The following PPP3CA variants were observed in gnomAD, a reference collection of about 807,000 sequenced individuals.
PPP3CA encodes CAM-PRP catalytic subunit.
A neutral mutation model predicts 66.5 loss-of-function variants in PPP3CA; 14 were observed. That is an observed-to-expected ratio of 0.21 (90% confidence interval 0.14 to 0.33). PPP3CA has a LOEUF of 0.33. Ranked by LOEUF, PPP3CA falls within the 10% of genes least tolerant of loss-of-function variation. The probability of loss-of-function intolerance (pLI) is 1.00; values close to 1 mark genes in which losing one functional copy is unlikely to be tolerated. For synonymous variants in PPP3CA, 232 were observed against 226.2 expected (o/e 1.03, Z -0.23); for missense variants, 317 against 639.5 (o/e 0.50, Z 5.44).
intron 8 of PPP3CA, among the ~76,000 whole-genome samples, chr4:101,077,831 T>G (rs796512978): frequency 3.9e-5 from 6 of 152,010 alleles, no homozygotes; most frequent in African/African-American, 7.2e-5. Context: ...TCTGTTTTTT[T>G]TTTTTTTTTT....
intron 1 of PPP3CA, among the ~76,000 whole-genome samples, chr4:101,255,006 A>G (rs1024576993): frequency 3.3e-5 from 5 of 150,996 alleles, no homozygotes; most frequent in African/African-American, 1.2e-4. Flanking sequence ...ATGACAATAC[A>G]ATAAACATAA....
intron 1 of PPP3CA, among the ~76,000 whole-genome samples, chr4:101,309,091 C>T (rs1163202860): frequency 3.9e-5 from 6 of 152,148 alleles, no homozygotes; most frequent in African/African-American, 1.2e-4. Context: ...TGCACCACTG[C>T]ACTCCAACCA....
chr4:101,105,370 T>C (rs1730618424), intron 3 of PPP3CA, among the ~76,000 whole-genome samples: 1 of 151,898 alleles, frequency 6.6e-6, no homozygotes, highest in African/African-American at 2.4e-5. Context: ...TTTCACCATG[T>C]TGGCCAGGAT....
chr4:101,185,328 A>G (rs1006289300), intron 2 of PPP3CA, among the ~76,000 whole-genome samples: 14 of 152,184 alleles, frequency 9.2e-5, no homozygotes. Context: ...GAGGACCAAC[A>G]GGAACTGAGG....
chr4:101,323,492 G>A (rs150495460), intron 1 of PPP3CA, among the ~76,000 whole-genome samples: 1 of 152,072 alleles, frequency 6.6e-6, no homozygotes, highest in Non-Finnish European at 1.5e-5. Flanking sequence ...AATGTAATGA[G>A]GAGTAAATGG....
intron 1 of PPP3CA, among the ~76,000 whole-genome samples, chr4:101,249,214 A>G (rs1726594089): frequency 6.6e-6 from 1 of 152,050 alleles, no homozygotes; most frequent in African/African-American, 2.4e-5. Flanking sequence ...GGGATTTTAA[A>G]ATGCTTTTCT....
intron 1 of PPP3CA, among the ~76,000 whole-genome samples, chr4:101,273,256 C>T (rs1028681351): frequency 1.3e-5 from 2 of 151,994 alleles, no homozygotes; most frequent in South Asian, 4.1e-4. Flanking sequence ...ATTTTTCATT[C>T]AGAGATTCTA....
intron 2 of PPP3CA, among the ~76,000 whole-genome samples, chr4:101,109,612 G>T (rs1248248084): frequency 7.4e-6 from 1 of 135,450 alleles, no homozygotes; most frequent in East Asian, 2.5e-4. Flanking sequence ...AATCTAGAAT[G>T]TTATCCATTG....
intron 10 of PPP3CA, among the ~76,000 whole-genome samples, chr4:101,054,580 A>G (rs1364866287): frequency 6.6e-6 from 1 of 152,128 alleles, no homozygotes; most frequent in Non-Finnish European, 1.5e-5. Flanking sequence ...CTCAAGGACC[A>G]GTAAGATACA....
Position 101,195,937 on chromosome 4 carries a change from C to A in PPP3CA, c.238G>T (p.Asp80Tyr). ...SILRQEKNLL[D>Y]IDAPVTVCGD... ...TTACCAGTGACTGGCGCATCAATAT[C>A]CAGCAAATTTTTTTCCTGTCGAAGA... Residue 80 changes from aspartate (D) to tyrosine (Y), a missense_variant, in exon 2 of 14, where the codon GAT becomes TAT. Around this residue, in one of 3 missense-constraint regions of PPP3CA, gnomAD observed 76 missense variants for 99.5 expected, o/e 0.76. Transcript: ENST00000394854. 6.2e-7 allele frequency: 1 copy of A among 1,613,894 alleles called. No homozygotes were observed. The highest frequency in any genetic ancestry group is 8.5e-7 in the Non-Finnish European group (1 of 1,179,908).
At chr4:101,245,219 CCAACTG>C (rs1339641577) in intron 1 of PPP3CA, among the ~76,000 whole-genome samples, 18 of 152,152 alleles carry the variant, frequency 1.2e-4, no homozygotes, top group Admixed American at 7.2e-4. Context: ...GTCCTACCAT[CCAACTG>C]CACTTGTTTA....
rs58221523 is a variant in PPP3CA, at chr4:101,117,442, A to ATTC, written c.260-8365_260-8364insGAA. Among the ~76,000 whole-genome samples the ATTC allele has an allele frequency of 1.1e-3, 169 of 148,510 alleles. 2 individuals are homozygous for ATTC. The highest frequency in any genetic ancestry group is 3.2e-3 in the African/African-American group (131 of 40,672). On this transcript the variant is annotated intron_variant, in intron 2 of 13. Coordinates refer to ENST00000394854, the MANE Select transcript of PPP3CA (RefSeq NM_000944.5). Reference sequence around the variant, plus strand: ...AAAGATGAGTGTTCTCACCACTGAGATTTTTTTTTGCAGTTTTTCCTCCAT... The same window carrying ATTC: ...AAAGATGAGTGTTCTCACCACTGAGATTCTTTTTTTTTGCAGTTTTTCCTCCAT...
intron 2 of PPP3CA, among the ~76,000 whole-genome samples, chr4:101,129,873 G>C (rs967150115): frequency 1.3e-5 from 2 of 152,118 alleles, no homozygotes; most frequent in African/African-American, 2.4e-5. Flanking sequence ...ACCAGCAAGG[G>C]AACAAAGCTG....
At chr4:101,144,869 G>A (rs1722920696) in intron 2 of PPP3CA, among the ~76,000 whole-genome samples, 1 of 152,106 alleles carries the variant, frequency 6.6e-6, no homozygotes, top group East Asian at 1.9e-4. Flanking sequence ...TTTTATGCAA[G>A]GTTTTGTGCT....
intron 1 of PPP3CA, among the ~76,000 whole-genome samples, chr4:101,318,338 G>A (rs750747334): frequency 6.6e-6 from 1 of 152,104 alleles, no homozygotes; most frequent in African/African-American, 2.4e-5. Flanking sequence ...ATTCCTTTTA[G>A]AAAGTAAAAA....
Position 101,109,089 on chromosome 4 carries a change from CA to C in PPP3CA, c.260-12del, listed in dbSNP as rs776784549. 3.7e-6 allele frequency: 6 copies of C among 1,610,492 alleles called. No individual in the cohort carries two copies. Among genetic ancestry groups the C allele is most frequent in the Admixed American group, 1.7e-5 (1 of 59,908 alleles). ...GAATGTCCCCACAAACTGAAAGAAA[CA>C]AAATTCATTTTATGGTCATATTATG... On this transcript the variant is annotated splice_polypyrimidine_tract_variant and intron_variant, in intron 2 of 13. Transcript: ENST00000394854.
chr4:101,099,681 T>C lies in PPP3CA; in HGVS notation c.426A>G (p.Lys142=), dbSNP rs779303914. ...GATTTCCACGAAGTAAAAACAGTGTTTTGGGGTAGAGAATTTTCAAGGCCC... is the reference window on the plus strand; with the variant it reads ...GATTTCCACGAAGTAAAAACAGTGTCTTGGGGTAGAGAATTTTCAAGGCCC... The part of the protein sequence containing the change: ...YLWALKILYP[K]TLFLLRGNHE... The change falls in exon 4 of 14, where the codon AAA becomes AAG. Residue 142 remains lysine, a synonymous_variant. Coordinates refer to ENST00000394854, the MANE Select transcript of PPP3CA (RefSeq NM_000944.5). 41 of 1,592,162 alleles carry C rather than the reference T, an allele frequency of 2.6e-5. No homozygotes were observed. The highest frequency in any genetic ancestry group is 3.5e-5 in the Non-Finnish European group (41 of 1,168,870).
rs1730033247 is a variant in PPP3CA, at chr4:101,347,041, GC to G, written c.-246del. 1 of 586,816 alleles carries G rather than the reference GC, an allele frequency of 1.7e-6. No homozygotes were observed. Among genetic ancestry groups the G allele is most frequent in the African/African-American group, 2.0e-5 (1 of 50,040 alleles). The allele number at this position is 586,816 out of a possible 1,614,324, so 36.4% of individuals were successfully genotyped here. ...CGCCAGCCCCGCCGACTCGCTCCGG[GC>G]TGCGCGTGTGTGGTGGTTATTTATT... On this transcript the variant is annotated 5_prime_UTR_variant, in exon 1 of 14. Coordinates refer to ENST00000394854, the MANE Select transcript of PPP3CA (RefSeq NM_000944.5).
chr4:101,274,456 A>G (rs1449867501), intron 1 of PPP3CA, among the ~76,000 whole-genome samples: 1 of 152,214 alleles, frequency 6.6e-6, no homozygotes, highest in Non-Finnish European at 1.5e-5. Context: ...ATCTTCAATT[A>G]TTTTATTTCA....
Sources: allele counts gnomAD v4.1 joint callset (sites outside exome capture counted in the v4.1 genomes callset), GRCh38; gene constraint gnomAD v4.1.1; regional missense constraint gnomAD v4.1.1; transcripts MANE v1.5; gene names NCBI Gene and HGNC (gene_info 2026-07-23, HGNC 2026-07-21).